SOX30: variants seen among roughly 807,000 people sequenced by gnomAD.
SOX30 encodes SRY-box transcription factor 30, also known as transcription factor SOX-30.
Under a neutral mutation model 58.6 loss-of-function variants are expected in SOX30, and 17 were observed. The ratio of observed to expected loss-of-function variants is 0.29; its 90% CI spans 0.20 to 0.44. SOX30 has a LOEUF of 0.44. Ranked by LOEUF, SOX30 falls within the 20% of genes least tolerant of loss-of-function variation. The pLI, the probability that SOX30 is intolerant of heterozygous loss-of-function variation, is 1.00. For synonymous variants in SOX30, 421 were observed against 400.2 expected (o/e 1.05, Z -0.62); for missense variants, 951 against 965.8 (o/e 0.98, Z 0.20).
At chr5:157,671,254 C>T (rs1759777145) in intron 1 of SOX30, 1 of 257,382 alleles carries the variant, frequency 3.9e-6, no homozygotes, top group Admixed American at 5.5e-5. Context: ...CCTGGCTCAA[C>T]CCGTTACCCG....
intron 4 of SOX30, among the ~76,000 whole-genome samples, chr5:157,629,085 T>C (rs1179475604): frequency 6.6e-6 from 1 of 152,150 alleles, no homozygotes; most frequent in East Asian, 1.9e-4. Flanking sequence ...GTTCTAATGT[T>C]CAGTAGCACA....
rs145658817 is a variant in SOX30, at chr5:157,638,435, T to C, written c.1675A>G (p.Thr559Ala). 30 of 1,614,122 alleles carry C rather than the reference T, an allele frequency of 1.9e-5. No homozygotes were observed. The African/African-American group carries it at 3.3e-4, about 18-fold the overall frequency. ...TCCCTAGGAGGTTGGATGGTCGAAG[T>C]TGCAAATCTGGCATGGGCAGTACTT... ...SASTAHARFATSTIQPPREYS... is the reference protein window; with the variant it reads ...SASTAHARFAASTIQPPREYS... The change falls in exon 4 of 5, where the codon ACT becomes GCT. Residue 559 changes from threonine (T) to alanine (A), a missense_variant. This residue lies in a region of SOX30 where 381 missense variants were observed against 390.0 expected (regional missense o/e 0.98). Coordinates refer to ENST00000265007, the MANE Select transcript of SOX30 (RefSeq NM_178424.2).
chr5:157,629,323 T>C (rs1758732801), intron 4 of SOX30, among the ~76,000 whole-genome samples: 1 of 152,230 alleles, frequency 6.6e-6, no homozygotes, highest in African/African-American at 2.4e-5. Context: ...AAAGCCTTCA[T>C]TTCAGCTAGA....
intron 2 of SOX30, among the ~76,000 whole-genome samples, chr5:157,657,451 T>TA (rs1759497471): frequency 6.6e-6 from 1 of 152,196 alleles, no homozygotes; most frequent in Non-Finnish European, 1.5e-5. Context: ...CAGGTGTTCT[T>TA]AAATGCAGAT....
intron 1 of SOX30, among the ~76,000 whole-genome samples, chr5:157,650,344 TA>T (rs1429586804): frequency 2.0e-5 from 3 of 151,912 alleles, no homozygotes; most frequent in Non-Finnish European, 2.9e-5. Flanking sequence ...CAATAAAACA[TA>T]AAGTTAATAA....
chr5:157,664,003 C>T (rs1759622270), intron 2 of SOX30, among the ~76,000 whole-genome samples: 2 of 151,176 alleles, frequency 1.3e-5, no homozygotes, highest in South Asian at 2.1e-4. Flanking sequence ...GAATCAATAT[C>T]ATGAAAATGG....
At chr5:157,661,360 A>T (rs1228167884) in intron 2 of SOX30, among the ~76,000 whole-genome samples, 1 of 152,208 alleles carries the variant, frequency 6.6e-6, no homozygotes, top group Admixed American at 6.5e-5. Flanking sequence ...AATTTTATCA[A>T]ATGCTTTGTC....
chr5:157,626,776 A>G (rs1758668037), intron 4 of SOX30, 55 bp from the exon 5 acceptor site: 14 of 1,529,500 alleles, frequency 9.2e-6, no homozygotes, highest in Non-Finnish European at 1.2e-5. Context: ...ATTGCCTTGC[A>G]TACAGACTAA....
At position 157,638,259 on chromosome 5, in the gene SOX30, G is replaced by A. The variant is rs1758976498; in HGVS notation, c.1851C>T (p.Phe617=). 1 of 1,555,912 alleles carries A rather than the reference G, an allele frequency of 6.4e-7. No individual in the cohort carries two copies. The part of the protein sequence containing the change: ...PPRFSFHHPY[F]LPGPHYFPSS... Reference sequence around the variant, plus strand: ...ATGGGAAGTAGTGAGGTCCGGGTAGGAAGTAAGGGTGATGAAAAGAGAATC... The same window carrying A: ...ATGGGAAGTAGTGAGGTCCGGGTAGAAAGTAAGGGTGATGAAAAGAGAATC... Residue 617 remains phenylalanine (F), a synonymous_variant, in exon 4 of 5, where the codon TTC becomes TTT. Transcript: ENST00000265007.
At chr5:157,663,088 C>G (rs191256288) in intron 2 of SOX30, among the ~76,000 whole-genome samples, 9 of 152,240 alleles carry the variant, frequency 5.9e-5, no homozygotes, top group South Asian at 4.1e-4. Flanking sequence ...GGAAATCCTC[C>G]CTAACTCATT....
rs771240724 is a variant in SOX30 at position 157,666,855 on chromosome 5, A to T, written c.52+943T>A. On this transcript the variant is annotated intron_variant, in intron 2 of 5. Transcript: ENST00000519442. ...TAAATAGTTGGGATTACAGGCATGC[A>T]CCACTACACCTGGCTAATTTTTGTG... 1.9e-4 allele frequency among the ~76,000 whole-genome samples: 29 copies of T among 152,018 alleles called. 1 individual carries two copies. Among genetic ancestry groups the T allele is most frequent in the Non-Finnish European group, 2.2e-4 (15 of 68,004 alleles).
intron 2 of SOX30, among the ~76,000 whole-genome samples, chr5:157,659,090 C>T (rs1581406822): frequency 6.6e-6 from 1 of 152,332 alleles, no homozygotes; most frequent in African/African-American, 2.4e-5. Context: ...GAATAATTCA[C>T]CCCTTGTTTA....
In SOX30 at chr5:157,638,582, G is replaced by A. The variant is rs1192186049; in HGVS notation, c.1528C>T (p.Pro510Ser). 6.2e-7 allele frequency: 1 copy of A among 1,614,182 alleles called. No individual in the cohort carries two copies. Among genetic ancestry groups the A allele is most frequent in the Non-Finnish European group, 8.5e-7 (1 of 1,180,040 alleles). The stretch of plus-strand genomic sequence containing the variant: ...TGGGAAGGCCCAGTAAAGCGTTGGG[G>A]TGGGAGTGCTGGATAGACAGGTAGA... ...PSLPVYPALP[P>S]QRFTGPSQTD... Residue 510 changes from proline to serine, a missense_variant, in exon 4 of 5, where the codon CCC (proline) becomes TCC (serine). Pro to Ser is a moderately conservative substitution (Grantham distance 74). Transcript: ENST00000265007.
At chr5:157,641,672 GTTATAT>G (rs1759065560) in intron 3 of SOX30, among the ~76,000 whole-genome samples, 2 of 152,076 alleles carry the variant, frequency 1.3e-5, no homozygotes, top group African/African-American at 2.4e-5. Context: ...AGTAAAAGTA[GTTATAT>G]TTATATCTAT....
At chr5:157,648,476 T>G (rs1759249102) in intron 2 of SOX30, among the ~76,000 whole-genome samples, 181 bp downstream of exon 2, 1 of 152,240 alleles carries the variant, frequency 6.6e-6, no homozygotes, top group Admixed American at 6.5e-5. Context: ...TGCTTGGTTC[T>G]ATTTAAGGAA....
chr5:157,661,863 AG>A (rs758221189), intron 2 of SOX30, among the ~76,000 whole-genome samples: 1 of 147,938 alleles, frequency 6.8e-6, no homozygotes, highest in East Asian at 1.9e-4. Context: ...TTTTAGTATC[AG>A]GGTAAAATGA....
In SOX30 at chr5:157,668,559, C is replaced by G. The variant is rs989117334; in HGVS notation, c.-3-707G>C. Among the ~76,000 whole-genome samples, 22 of 151,916 alleles carry G rather than the reference C, an allele frequency of 1.4e-4. 2 individuals are homozygous for G. The highest frequency in any genetic ancestry group is 4.6e-4 in the African/African-American group (19 of 41,342). On this transcript the variant is annotated intron_variant, in intron 1 of 5. Coordinates refer to the SOX30 transcript ENST00000519442. ...ATCCATCCACTCATCCATCCAACCA[C>G]TCATCCATCCGTCCATCCATCCATC... is the stretch of plus-strand genomic sequence containing the variant.
intron 3 of SOX30, among the ~76,000 whole-genome samples, chr5:157,644,311 T>TA (rs1759138519): frequency 6.6e-6 from 1 of 151,978 alleles, no homozygotes; most frequent in African/African-American, 2.4e-5. Flanking sequence ...TCACCAGAAA[T>TA]AAGAGATATT....
chr5:157,660,769 A>G (rs1759563012), intron 2 of SOX30, among the ~76,000 whole-genome samples: 1 of 152,126 alleles, frequency 6.6e-6, no homozygotes, highest in South Asian at 2.1e-4. Context: ...TCATTAAATC[A>G]TATTGGCTTT....
Sources: allele counts gnomAD v4.1 joint callset (sites outside exome capture counted in the v4.1 genomes callset), GRCh38; gene constraint gnomAD v4.1.1; regional missense constraint gnomAD v4.1.1; transcripts MANE v1.5; gene names NCBI Gene and HGNC (gene_info 2026-07-23, HGNC 2026-07-21).